Variants in SOS2 observed in about 807,000 individuals in gnomAD.
The protein encoded by SOS2 is son of sevenless homolog 2.
Under a neutral mutation model 148.2 loss-of-function variants are expected in SOS2, and 65 were observed. The observed-to-expected ratio is 0.44, with a 90% CI of 0.36 to 0.54. SOS2 has a LOEUF of 0.54. SOS2 is among the 20% of genes least tolerant of loss of function. The pLI is 0.00. For missense variants in SOS2, 1,341 were observed against 1,590.2 expected (o/e 0.84, Z 2.67); for synonymous variants, 539 against 537.1 (o/e 1.00, Z -0.05).
At chr14:50,227,418 A>AC (rs1555324871) in intron 1 of SOS2, among the ~76,000 whole-genome samples, 1 of 119,248 alleles carries the variant, frequency 8.4e-6, no homozygotes, top group Admixed American at 8.2e-5. Flanking sequence ...TAATTTTGGT[A>AC]TTTTTTTTTT....
In SOS2 at chr14:50,118,699, G is replaced by C. The variant is rs773877975; in HGVS notation, c.3644C>G (p.Thr1215Ser). 2.9e-5 allele frequency: 46 copies of C among 1,613,826 alleles called. No homozygotes were observed. The South Asian group carries it at 4.1e-4, about 14-fold the overall frequency. ...AGGCCGAAGGGGAACTGGTGGAGGG[G>C]TATCAGGAAGAGGATCTCTTGGTGG... ...PPPPRDPLPD[T>S]PPPVPLRPPE... The change falls in exon 23 of 23, where the codon ACC becomes AGC. Residue 1215 changes from threonine to serine, a missense_variant. By Grantham distance (58) the Thr-to-Ser change is moderately conservative (BLOSUM62 1). This residue lies in a region of SOS2 where 354 missense variants were observed against 347.7 expected (regional missense o/e 1.02). Coordinates refer to ENST00000216373, the MANE Select transcript of SOS2 (RefSeq NM_006939.4).
intron 5 of SOS2, among the ~76,000 whole-genome samples, chr14:50,187,884 A>T (rs1436879767): frequency 6.6e-6 from 1 of 152,208 alleles, no homozygotes; most frequent in Non-Finnish European, 1.5e-5. Flanking sequence ...AGAAAAATGC[A>T]GAGGTCTTCC....
At chr14:50,164,595 C>A (rs1046718784) in intron 8 of SOS2, among the ~76,000 whole-genome samples, 1 of 151,150 alleles carries the variant, frequency 6.6e-6, no homozygotes, top group East Asian at 1.9e-4. Flanking sequence ...AGCACCACTG[C>A]ACTCCAGCCT....
intron 14 of SOS2, among the ~76,000 whole-genome samples, chr14:50,146,327 T>A (rs1309142610): frequency 1.3e-5 from 2 of 151,990 alleles, no homozygotes; most frequent in South Asian, 2.1e-4. Context: ...TAAGTATGCA[T>A]ATACCCTAGA....
chr14:50,216,569 G>A (rs1205058424), intron 1 of SOS2, among the ~76,000 whole-genome samples: 3 of 151,280 alleles, frequency 2.0e-5, no homozygotes, highest in Non-Finnish European at 4.4e-5. Flanking sequence ...GACCAGGCTG[G>A]CCAACATGGT....
At chr14:50,165,202 C>T (rs1194171614) in intron 8 of SOS2, among the ~76,000 whole-genome samples, 1 of 152,108 alleles carries the variant, frequency 6.6e-6, no homozygotes, top group Non-Finnish European at 1.5e-5. Flanking sequence ...AATTTAACAC[C>T]GAGTAATCTA....
intron 9 of SOS2, among the ~76,000 whole-genome samples, chr14:50,160,673 C>A (rs1217399800): frequency 6.6e-6 from 1 of 152,078 alleles, no homozygotes. Context: ...AGGCGTGAGC[C>A]ACCGTGCCCA....
intron 12 of SOS2, chr14:50,156,399 AT>A (rs1203157998): frequency 6.6e-6 from 1 of 152,202 alleles, no homozygotes; most frequent in East Asian, 1.9e-4. Flanking sequence ...AGGAATAGTA[AT>A]CATGTTGTAA....
At chr14:50,135,214 A>G (rs1431802166) in intron 18 of SOS2, among the ~76,000 whole-genome samples, 2 of 151,954 alleles carry the variant, frequency 1.3e-5, no homozygotes, top group African/African-American at 2.4e-5. Context: ...TAATCCTAGC[A>G]GTTTGGGAGG....
intron 4 of SOS2, among the ~76,000 whole-genome samples, chr14:50,194,231 G>C (rs557388097): frequency 6.6e-6 from 1 of 152,292 alleles, no homozygotes; most frequent in South Asian, 2.1e-4. Context: ...CATGCTACAA[G>C]AGCAGAGAAG....
intron 19 of SOS2, 144 bp from the exon 20 acceptor site, chr14:50,130,906 G>C: frequency 1.6e-6 from 1 of 613,470 alleles, no homozygotes; most frequent in Non-Finnish European, 2.7e-6. Context: ...ATGACAGCCT[G>C]TATCATTCTA....
chr14:50,120,903 C>A (rs1489410577), intron 21 of SOS2, among the ~76,000 whole-genome samples: 1 of 152,028 alleles, frequency 6.6e-6, no homozygotes, highest in African/African-American at 2.4e-5. Context: ...CCACCCCCAG[C>A]TAATTTTTGT....
Position 50,153,362 on chromosome 14 carries a change from ATTAT to A in SOS2, c.2058-193_2058-190del, listed in dbSNP as rs761492160. On this transcript the variant is annotated intron_variant, in intron 12 of 22. Coordinates refer to ENST00000216373, the MANE Select transcript of SOS2 (RefSeq NM_006939.4). Reference sequence around the variant, plus strand: ...AGGAGAGTAGGTCTCCAAACGGTGTATTATTTATTAATAAAATGTATACTTTTAA... The same window carrying A: ...AGGAGAGTAGGTCTCCAAACGGTGTATTATTAATAAAATGTATACTTTTAA... Among the ~76,000 whole-genome samples, 5 of 152,008 alleles carry A rather than the reference ATTAT, an allele frequency of 3.3e-5. No individual in the cohort carries two copies. The East Asian group carries it at 5.8e-4, about 18-fold the overall frequency.
chr14:50,130,480 C>T lies in SOS2; in HGVS notation c.3337+21G>A, dbSNP rs773829734. ...GACACAGGATTCCTTTTTTACCAAG[C>T]GGTTTACATCAAATACTTACCACAG... On this transcript the variant is annotated intron_variant, in intron 20 of 22. Transcript: ENST00000216373. 7.5e-6 allele frequency: 12 copies of T among 1,591,090 alleles called. No individual in the cohort carries two copies. In the Admixed American group the frequency reaches 9.0e-5, roughly 12 times the overall value.
intron 18 of SOS2, among the ~76,000 whole-genome samples, chr14:50,135,740 T>C (rs1171270653): frequency 2.0e-5 from 3 of 149,920 alleles, no homozygotes; most frequent in Admixed American, 1.3e-4. Flanking sequence ...AGTTTGCTTA[T>C]TTTACAAAAT....
In SOS2 at chr14:50,117,548, T is replaced by C. The variant is rs1364651742; in HGVS notation, c.*796A>G. 6.6e-6 allele frequency: 1 copy of C among 152,222 alleles called. No homozygotes were observed. The highest frequency in any genetic ancestry group is 1.5e-5 in the Non-Finnish European group (1 of 68,032). The allele number at this position is 152,222 out of a possible 1,614,324, so 9.4% of individuals were successfully genotyped here. On this transcript the variant is annotated 3_prime_UTR_variant, in exon 23 of 23. Coordinates refer to ENST00000216373, the MANE Select transcript of SOS2 (RefSeq NM_006939.4). ...ATAGGCCTCAAGTCACTTAAATTTA[T>C]ATAGGTTATTAGCAGTATCTTTAAA...
In SOS2 at chr14:50,217,029, G is replaced by A. The variant is rs192513534; in HGVS notation, c.88-12620C>T. Among the ~76,000 whole-genome samples, 459 of 152,230 alleles carry A rather than the reference G, an allele frequency of 3.0e-3. 2 individuals are homozygous for A. The highest frequency in any genetic ancestry group is 0.01 in the African/African-American group (422 of 41,560). ...AACTCTAAAGAAGAACAAAGTTGAA[G>A]GGCTAACACTACCTGATTTCAAGGA... On this transcript the variant is annotated intron_variant, in intron 1 of 22. Transcript: ENST00000216373.
At chr14:50,160,406 T>TG (rs1884960768) in intron 9 of SOS2, among the ~76,000 whole-genome samples, 1 of 49,690 alleles carries the variant, frequency 2.0e-5, no homozygotes, top group African/African-American at 7.0e-5. Flanking sequence ...TTTTTTTTTT[T>TG]TTTTTTTGGA....
chr14:50,134,802 G>A (rs556570370), intron 18 of SOS2, among the ~76,000 whole-genome samples: 75 of 152,070 alleles, frequency 4.9e-4, no homozygotes, highest in African/African-American at 1.8e-3. Context: ...GGCCGAGCAC[G>A]GTGGCTCACG....
Sources: gnomAD v4.1 joint callset for allele counts (sites outside exome capture counted in the v4.1 genomes callset) on GRCh38, gnomAD v4.1.1 for gene constraint, gnomAD v4.1.1 regional missense constraint, MANE v1.5 for transcripts, NCBI Gene and HGNC (gene_info 2026-07-23, HGNC 2026-07-21) for gene names.